Variants in OLFML2A observed in about 807,000 individuals in gnomAD.
The protein encoded by OLFML2A is olfactomedin like 2A, also known as olfactomedin-like protein 2A.
A neutral mutation model predicts 60.9 loss-of-function variants in OLFML2A; 47 were observed. That is an observed-to-expected ratio of 0.77 (90% confidence interval 0.61 to 0.98). The LOEUF (loss-of-function observed/expected upper bound fraction) is 0.98. Ranked by LOEUF, OLFML2A falls within the 50% of genes least tolerant of loss-of-function variation. The pLI is 0.00. For synonymous variants in OLFML2A, 372 were observed against 375.0 expected, an observed-to-expected ratio of 0.99 and a Z score of 0.09; for missense variants, 922 against 879.8, an observed-to-expected ratio of 1.05 and a Z score of -0.61.
chr9:124,805,929 C>A (rs961847817), intron 6 of OLFML2A, among the ~76,000 whole-genome samples: 2 of 149,842 alleles, frequency 1.3e-5, no homozygotes. Flanking sequence ...GATTCTCCTG[C>A]CTCAGCCTCC....
At chr9:124,793,120 G>A (rs547254955) in intron 2 of OLFML2A, among the ~76,000 whole-genome samples, 1 of 152,248 alleles carries the variant, frequency 6.6e-6, no homozygotes, top group Admixed American at 6.5e-5. Context: ...CCAGGACCAG[G>A]CAGGAGCACT....
rs746692815 is a variant in OLFML2A at position 124,809,999 on chromosome 9, C to T, written c.1546C>T (p.Arg516Cys). 7.4e-6 allele frequency: 12 copies of T among 1,614,122 alleles called. No individual in the cohort carries two copies. The highest frequency in any genetic ancestry group is 1.7e-5 in the Admixed American group (1 of 60,018). ...VYEDTTPWKWRGHSDIDFAVD... is the reference protein window; with the variant it reads ...VYEDTTPWKWCGHSDIDFAVD... Reference sequence around the variant, plus strand: ...TGAGGACACCACACCTTGGAAGTGGCGCGGACACTCGGACATTGACTTTGC... The same window carrying T: ...TGAGGACACCACACCTTGGAAGTGGTGCGGACACTCGGACATTGACTTTGC... The change falls in exon 8 of 8, where the codon CGC becomes TGC. Residue 516 changes from arginine to cysteine, a missense_variant. By Grantham distance (180) the Arg-to-Cys change is radical (BLOSUM62 -3). Transcript: ENST00000373580.
intron 3 of OLFML2A, among the ~76,000 whole-genome samples, chr9:124,795,729 C>A (rs889691546): frequency 6.6e-6 from 1 of 152,172 alleles, no homozygotes; most frequent in Admixed American, 6.5e-5. Flanking sequence ...GAACCGAGAT[C>A]GTGCCACAGC....
chr9:124,807,754 C>T (rs375246437), intron 6 of OLFML2A, 27 bp from the exon 7 acceptor site: 13 of 1,587,176 alleles, frequency 8.2e-6, no homozygotes, highest in South Asian at 6.8e-5. Context: ...GTCTGTGTAC[C>T]GATGCTGCCT....
intron 1 of OLFML2A, among the ~76,000 whole-genome samples, chr9:124,784,337 G>A (rs1250436103): frequency 6.6e-6 from 1 of 152,004 alleles, no homozygotes; most frequent in Non-Finnish European, 1.5e-5. Context: ...CCGAGTAGCT[G>A]AGATTACAGA....
intron 6 of OLFML2A, 29 bp downstream of exon 6, chr9:124,804,371 C>G (rs775714839): frequency 2.7e-6 from 4 of 1,504,840 alleles, no homozygotes; most frequent in Non-Finnish European, 3.6e-6. Flanking sequence ...AGTCAGCACA[C>G]TGTAGCCTGT....
At chr9:124,800,764 T>A in intron 4 of OLFML2A, 1 of 1,170,856 alleles carries the variant, frequency 8.5e-7, no homozygotes, top group Non-Finnish European at 1.1e-6. Flanking sequence ...CTGCTGGAGC[T>A]TCTGCCTAAC....
rs1488102045 is a variant in OLFML2A at position 124,807,826 on chromosome 9, CT to C, written c.1215del (p.Val406Ter). The part of the protein sequence containing the change: ...CEGTLRAVDP[P>X]VRHHSYGRHE... The stretch of plus-strand genomic sequence containing the variant: ...GGCACCCTCCGGGCTGTGGACCCCC[CT>C]GTGAGGCACCACAGCTATGGGCGCC... On this transcript the variant is annotated frameshift_variant, in exon 7 of 8. Coordinates refer to ENST00000373580, the MANE Select transcript of OLFML2A (RefSeq NM_182487.4). LOFTEE classifies it high-confidence loss of function. 3.1e-6 allele frequency: 5 copies of C among 1,613,850 alleles called. No individual in the cohort carries two copies. Among genetic ancestry groups the C allele is most frequent in the Non-Finnish European group, 4.2e-6 (5 of 1,180,000 alleles).
At position 124,813,320 on chromosome 9, in the gene OLFML2A, G is replaced by A. The variant is rs752149230; in HGVS notation, c.*2908G>A. 1 of 152,232 alleles carries A rather than the reference G, an allele frequency of 6.6e-6. No homozygotes were observed. The highest frequency in any genetic ancestry group is 1.5e-5 in the Non-Finnish European group (1 of 68,044). 9.4% of individuals were successfully genotyped at this position (152,232 alleles called of 1,614,324 possible). A position where few individuals can be genotyped will look rare whatever the true frequency, so the allele number is the denominator to read the frequency against. ...GGTCGCTCGTCACATAGGCAGTTAA[G>A]TGGAGAACCAGGTTTCAAAATCAGG... On this transcript the variant is annotated 3_prime_UTR_variant, in exon 8 of 8. Transcript: ENST00000373580.
rs372603527 is a variant in OLFML2A at position 124,810,168 on chromosome 9, G to C, written c.1715G>C (p.Arg572Pro). The C allele has an allele frequency of 1.2e-5, 19 of 1,613,810 alleles. No individual in the cohort carries two copies. The highest frequency in any genetic ancestry group is 1.4e-5 in the Non-Finnish European group (16 of 1,180,018). ...RETTWKTRLR[R>P]NSYGNCFLVC... The stretch of plus-strand genomic sequence containing the variant: ...ACCACGTGGAAGACACGGCTGCGGC[G>C]GAACTCCTACGGGAACTGCTTCCTG... The change falls in exon 8 of 8, where the codon CGG becomes CCG. Residue 572 changes from arginine (R) to proline (P), a missense_variant. Physicochemically the swap from Arg to Pro is moderately radical, Grantham distance 103 (BLOSUM62 -2). Coordinates refer to ENST00000373580, the MANE Select transcript of OLFML2A (RefSeq NM_182487.4).
At chr9:124,781,519 C>T (rs1015462501) in intron 1 of OLFML2A, among the ~76,000 whole-genome samples, 1 of 152,076 alleles carries the variant, frequency 6.6e-6, no homozygotes. Flanking sequence ...GTTGGGCGGG[C>T]GTGGTGGCTC....
intron 2 of OLFML2A, among the ~76,000 whole-genome samples, chr9:124,791,191 A>G (rs994135443): frequency 1.3e-5 from 2 of 152,178 alleles, no homozygotes; most frequent in Admixed American, 6.5e-5. Context: ...GGATAGAAGG[A>G]TAGAGCTGGG....
At position 124,777,455 on chromosome 9, in the gene OLFML2A, A is replaced by G. The variant is rs918828468; in HGVS notation, c.90+95A>G. The G allele has an allele frequency of 1.7e-6, 2 of 1,153,044 alleles. No homozygotes were observed. Among genetic ancestry groups the G allele is most frequent in the African/African-American group, 1.6e-5 (1 of 62,202 alleles). 71.4% of individuals were successfully genotyped at this position (1,153,044 alleles called of 1,614,324 possible). A position where few individuals can be genotyped will look rare whatever the true frequency, so the allele number is the denominator to read the frequency against. The stretch of plus-strand genomic sequence containing the variant: ...GCGGCCCGGGAGGGAGCCCGGGGCC[A>G]GGGCGGAGGAGCCGGGAGCTGAGAG... On this transcript the variant is annotated intron_variant, in intron 1 of 7. Coordinates refer to ENST00000373580, the MANE Select transcript of OLFML2A (RefSeq NM_182487.4). The surrounding 1 kb of genome is among the most constrained non-coding windows in gnomAD (Gnocchi z 6.2).
chr9:124,786,297 C>T (rs768581163), intron 1 of OLFML2A, among the ~76,000 whole-genome samples: 2 of 152,122 alleles, frequency 1.3e-5, no homozygotes, highest in African/African-American at 2.4e-5. Context: ...GTGGCGCATG[C>T]CTGTAGTCCC....
chr9:124,797,540 A>G (rs1051421880), intron 3 of OLFML2A, among the ~76,000 whole-genome samples: 4 of 152,356 alleles, frequency 2.6e-5, no homozygotes, highest in South Asian at 4.1e-4. Flanking sequence ...CTGGACGTCA[A>G]TCACTTTTAG....
chr9:124,785,262 C>G (rs960633452), intron 1 of OLFML2A, among the ~76,000 whole-genome samples: 2 of 151,532 alleles, frequency 1.3e-5, no homozygotes, highest in Admixed American at 1.3e-4. Flanking sequence ...CCCTACATTC[C>G]TTTTTATGGC....
intron 3 of OLFML2A, among the ~76,000 whole-genome samples, chr9:124,797,139 TC>T (rs1393915117): frequency 1.3e-5 from 2 of 152,024 alleles, no homozygotes; most frequent in African/African-American, 4.8e-5. Flanking sequence ...ACCACCACAC[TC>T]AGCTAGTTTT....
At chr9:124,778,664 G>A (rs959024775) in intron 1 of OLFML2A, among the ~76,000 whole-genome samples, 1 of 152,022 alleles carries the variant, frequency 6.6e-6, no homozygotes, top group African/African-American at 2.4e-5. Flanking sequence ...AGGTGTGGTG[G>A]TGCACACCTG....
In OLFML2A at chr9:124,779,051, C is replaced by A; in HGVS notation, c.90+1691C>A. The A allele has an allele frequency of 1.8e-6, 1 of 571,360 alleles. No homozygotes were observed. 35.4% of individuals were successfully genotyped at this position (571,360 alleles called of 1,614,324 possible). The stretch of plus-strand genomic sequence containing the variant: ...CCTGATTCAGCTCAGGGCATGAAAG[C>A]ACCCACGTACAACGCTGCTCATGTA... On this transcript the variant is annotated intron_variant, in intron 1 of 7. Coordinates refer to ENST00000373580, the MANE Select transcript of OLFML2A (RefSeq NM_182487.4). The surrounding 1 kb of genome is among the most constrained non-coding windows in gnomAD (Gnocchi z 4.1).
Sources: gnomAD v4.1 joint callset for allele counts (sites outside exome capture counted in the v4.1 genomes callset) on GRCh38, gnomAD v4.1.1 for gene constraint, Gnocchi (gnomAD v3.1) non-coding constraint, MANE v1.5 for transcripts, NCBI Gene and HGNC (gene_info 2026-07-23, HGNC 2026-07-21) for gene names.